Variants in PHOSPHO1 observed in about 807,000 individuals in gnomAD.
PHOSPHO1 encodes phosphoethanolamine/phosphocholine phosphatase.
PHOSPHO1 carries 6 observed loss-of-function variants against 17.7 expected under a neutral mutation model. That is an observed-to-expected ratio of 0.34 (90% CI 0.19 to 0.67). The LOEUF (loss-of-function observed/expected upper bound fraction) is 0.67, where lower values mean the gene tolerates loss of function less well. PHOSPHO1 is among the 30% of genes least tolerant of loss of function. The probability of loss-of-function intolerance (pLI) is 0.69; values close to 1 mark genes in which losing one functional copy is unlikely to be tolerated. For missense variants in PHOSPHO1, 330 were observed against 392.1 expected (o/e 0.84, Z 1.34); for synonymous variants, 159 against 174.6 (o/e 0.91, Z 0.71).
At chr17:49,228,362 C>T (rs2043380802) in intron 1 of PHOSPHO1, among the ~76,000 whole-genome samples, 1 of 150,278 alleles carries the variant, frequency 6.7e-6, no homozygotes, top group Admixed American at 6.7e-5. Context: ...ATGGTCAAAA[C>T]TTCTCATTTT....
intron 1 of PHOSPHO1, among the ~76,000 whole-genome samples, chr17:49,230,231 G>A (rs950430596): frequency 1.3e-5 from 2 of 152,092 alleles, no homozygotes; most frequent in African/African-American, 4.8e-5. Flanking sequence ...CGCGGCTCGG[G>A]GAGGGGTATT....
chr17:49,226,530 G>A, intron 2 of PHOSPHO1, 117 bp downstream of exon 2: 2 of 1,034,034 alleles, frequency 1.9e-6, no homozygotes, highest in South Asian at 2.7e-5. Context: ...CCCCAGTAGA[G>A]GTGAGGGTAA....
intron 1 of PHOSPHO1, among the ~76,000 whole-genome samples, chr17:49,229,667 A>G (rs2043393790): frequency 6.6e-6 from 1 of 152,166 alleles, no homozygotes; most frequent in South Asian, 2.1e-4. Flanking sequence ...AGACCACAGT[A>G]ACAAGCCCTC....
In PHOSPHO1 at chr17:49,224,336, G is replaced by C. The variant is rs768515126; in HGVS notation, c.714C>G (p.Ala238=). 3 of 1,580,508 alleles carry C rather than the reference G, an allele frequency of 1.9e-6. No homozygotes were observed. Among genetic ancestry groups the C allele is most frequent in the South Asian group, 2.3e-5 (2 of 87,688 alleles). The change falls in exon 3 of 3, where the codon GCC becomes GCG. Residue 238 remains alanine, a synonymous_variant. Coordinates refer to ENST00000310544, the MANE Select transcript of PHOSPHO1 (RefSeq NM_178500.4). ...MHRLIQEAQK[A]EPSSFRASVV... The stretch of plus-strand genomic sequence containing the variant: ...CGCTGGCGCGGAACGAGCTGGGCTC[G>C]GCCTTCTGGGCCTCCTGAATGAGGC...
At chr17:49,229,069 CTTA>C (rs2043389199) in intron 1 of PHOSPHO1, 1 of 152,072 alleles carries the variant, frequency 6.6e-6, no homozygotes, top group Non-Finnish European at 1.5e-5. Flanking sequence ...CAGTTAAACA[CTTA>C]TTGTTTGGTG....
chr17:49,226,858 G>A, intron 1 of PHOSPHO1, 100 bp from the exon 2 acceptor site: 1 of 701,574 alleles, frequency 1.4e-6, no homozygotes, highest in Non-Finnish European at 2.5e-6. Flanking sequence ...AGCTACAGGA[G>A]GCATTCCCAG....
rs761857200 is a variant in PHOSPHO1, at chr17:49,224,231, T to G, written c.*15A>C. 3 of 1,546,918 alleles carry G rather than the reference T, an allele frequency of 1.9e-6. No individual in the cohort carries two copies. The East Asian group carries it at 6.8e-5, about 35-fold the overall frequency. Reference sequence around the variant, plus strand: ...TCCGCCGTTGGCCCGGGTACCCCCCTGCAGGCGGCCAGACTCAGCACGACT... The same window carrying G: ...TCCGCCGTTGGCCCGGGTACCCCCCGGCAGGCGGCCAGACTCAGCACGACT... On this transcript the variant is annotated 3_prime_UTR_variant, in exon 3 of 3. Coordinates refer to ENST00000310544, the MANE Select transcript of PHOSPHO1 (RefSeq NM_178500.4).
Position 49,224,250 on chromosome 17 carries a change from C to G in PHOSPHO1, c.800G>C (p.Cys267Ser), listed in dbSNP as rs766487439. ...CCCCCCTGCAGGCGGCCAGACTCAGCACGACTTCAGCACCTGTTGCAGGTG... is the reference window on the plus strand; with the variant it reads ...CCCCCCTGCAGGCGGCCAGACTCAGGACGACTTCAGCACCTGTTGCAGGTG... ...RLHLQQVLKS[C>S] Residue 267 changes from cysteine (C) to serine (S), a missense_variant, in exon 3 of 3, where the codon TGC becomes TCC. By Grantham distance (112) the Cys-to-Ser change is moderately radical. Coordinates refer to ENST00000310544, the MANE Select transcript of PHOSPHO1 (RefSeq NM_178500.4). 1 of 1,568,560 alleles carries G rather than the reference C, an allele frequency of 6.4e-7. No homozygotes were observed. The highest frequency in any genetic ancestry group is 1.8e-5 in the Admixed American group (1 of 55,724).
chr17:49,225,885 AGAG>A (rs1449007970), intron 2 of PHOSPHO1: 2 of 1,170,980 alleles, frequency 1.7e-6, no homozygotes, highest in Non-Finnish European at 1.1e-6. Flanking sequence ...GAGAGGGCTG[AGAG>A]GAGGTCATTC....
intron 1 of PHOSPHO1, among the ~76,000 whole-genome samples, chr17:49,228,246 C>CTCCTTCCTTCCT (rs59056166): frequency 8.9e-5 from 12 of 134,868 alleles, no homozygotes; most frequent in South Asian, 2.6e-4. Flanking sequence ...TCCTGTCTCT[C>CTCCTTCCTTCCT]TCCTTCCTTC....
At position 49,224,140 on chromosome 17, in the gene PHOSPHO1, A is replaced by G; in HGVS notation, c.*106T>C. The G allele has an allele frequency of 7.1e-7, 1 of 1,399,680 alleles. No individual in the cohort carries two copies. The highest frequency in any genetic ancestry group is 2.5e-5 in the East Asian group (1 of 39,554). The allele number at this position is 1,399,680 out of a possible 1,614,324, so 86.7% of individuals were successfully genotyped here. A position where few individuals can be genotyped will look rare whatever the true frequency, so the allele number is the denominator to read the frequency against. On this transcript the variant is annotated 3_prime_UTR_variant, in exon 3 of 3. Transcript: ENST00000310544. The stretch of plus-strand genomic sequence containing the variant: ...AGATTCCAGAAATTCCCAGAGGGAC[A>G]TAACAAAGCCAAAGGGAAAAGGGAG...
In PHOSPHO1 at chr17:49,224,252, C is replaced by A; in HGVS notation, c.798G>T (p.Ser266=). The A allele has an allele frequency of 1.9e-6, 3 of 1,569,866 alleles. No homozygotes were observed. The highest frequency in any genetic ancestry group is 1.8e-5 in the Admixed American group (1 of 55,774). ...VRLHLQQVLK[S]C ...CCCCTGCAGGCGGCCAGACTCAGCACGACTTCAGCACCTGTTGCAGGTGGA... is the reference window on the plus strand; with the variant it reads ...CCCCTGCAGGCGGCCAGACTCAGCAAGACTTCAGCACCTGTTGCAGGTGGA... Residue 266 remains serine, a synonymous_variant, in exon 3 of 3, where the codon TCG becomes TCT. Transcript: ENST00000310544.
In PHOSPHO1 at chr17:49,224,460, C is replaced by A. The variant is rs781033286; in HGVS notation, c.590G>T (p.Arg197Leu). ...GGCGCCGTCGCCCACGTAGAAGAGG[C>A]GCTCGAAGTGCACGCCGTCGTGGGC... is the stretch of plus-strand genomic sequence containing the variant. ...ERAHDGVHFE[R>L]LFYVGDGAND... The change falls in exon 3 of 3, where the codon CGC (arginine) becomes CTC (leucine). Residue 197 changes from arginine to leucine, a missense_variant. Transcript: ENST00000310544. The A allele has an allele frequency of 1.0e-5, 16 of 1,560,462 alleles. No individual in the cohort carries two copies. The East Asian group carries it at 3.8e-4, about 37-fold the overall frequency.
intron 2 of PHOSPHO1, chr17:49,225,575 G>A: frequency 7.8e-7 from 1 of 1,281,048 alleles, no homozygotes. Flanking sequence ...CAATGGCACT[G>A]AACAGGGGTC....
At chr17:49,228,613 A>C (rs921533186) in intron 1 of PHOSPHO1, among the ~76,000 whole-genome samples, 1 of 151,846 alleles carries the variant, frequency 6.6e-6, no homozygotes, top group Non-Finnish European at 1.5e-5. Flanking sequence ...ACATGGTGAA[A>C]CCCTGTCTCT....
chr17:49,224,505 C>T lies in PHOSPHO1; in HGVS notation c.545G>A (p.Ser182Asn). The change falls in exon 3 of 3, where the codon AGC becomes AAC. Residue 182 changes from serine (S) to asparagine (N), a missense_variant. Transcript: ENST00000310544. ...PANMCKHKVLSDYLRERAHDG... is the reference protein window; with the variant it reads ...PANMCKHKVLNDYLRERAHDG... ...GTGGGCCCGCTCGCGCAGGTAGTCGCTGAGCACCTTGTGCTTGCACATGTT... is the reference window on the plus strand; with the variant it reads ...GTGGGCCCGCTCGCGCAGGTAGTCGTTGAGCACCTTGTGCTTGCACATGTT... The T allele has an allele frequency of 6.3e-7, 1 of 1,576,906 alleles. No homozygotes were observed. Among genetic ancestry groups the T allele is most frequent in the Non-Finnish European group, 8.6e-7 (1 of 1,164,368 alleles).
At chr17:49,229,289 T>C (rs987041829) in intron 1 of PHOSPHO1, 2 of 152,130 alleles carry the variant, frequency 1.3e-5, no homozygotes, top group African/African-American at 4.8e-5. Context: ...TCAAATCCTT[T>C]TGTGGTCACC....
Position 49,226,645 on chromosome 17 carries a change from A to C in PHOSPHO1, c.45+2T>G. The C allele has an allele frequency of 6.2e-7, 1 of 1,614,102 alleles. No homozygotes were observed. The highest frequency in any genetic ancestry group is 8.5e-7 in the Non-Finnish European group (1 of 1,179,984). On this transcript the variant is annotated splice_donor_variant, in intron 2 of 2. Coordinates refer to ENST00000310544, the MANE Select transcript of PHOSPHO1 (RefSeq NM_178500.4). LOFTEE classifies it high-confidence loss of function. ...AGGAGACCCCTGGAGGGACCCACTTACCCTAGATAGGCAGCGGAGGCCAGA... is the reference window on the plus strand; with the variant it reads ...AGGAGACCCCTGGAGGGACCCACTTCCCCTAGATAGGCAGCGGAGGCCAGA...
chr17:49,230,035 T>C (rs950418691), intron 1 of PHOSPHO1, among the ~76,000 whole-genome samples: 1 of 151,880 alleles, frequency 6.6e-6, no homozygotes, highest in Admixed American at 6.6e-5. Flanking sequence ...GGTCTAGCAG[T>C]CACCTCTGGG....
Sources: gnomAD v4.1 joint callset for allele counts (sites outside exome capture counted in the v4.1 genomes callset) on GRCh38, gnomAD v4.1.1 for gene constraint, MANE v1.5 for transcripts, NCBI Gene and HGNC (gene_info 2026-07-23, HGNC 2026-07-21) for gene names.